Variants in MYOM2 observed in about 807,000 individuals in gnomAD.
MYOM2 encodes the protein myomesin-2.
In MYOM2, 254 loss-of-function variants were observed where a neutral mutation model predicts 187.6. The ratio of observed to expected loss-of-function variants is 1.35; its 90% CI spans 1.22 to 1.50. The LOEUF (loss-of-function observed/expected upper bound fraction) is 1.50. MYOM2 is among the 40% of genes most tolerant of loss of function. MYOM2 has a pLI of 0.00. For missense variants in MYOM2, 2,796 were observed against 1,924.0 expected (o/e 1.45, Z -8.48); for synonymous variants, 981 against 753.8 (o/e 1.30, Z -4.94).
At chr8:2,121,453 AT>A (rs1797454261) in intron 28 of MYOM2, among the ~76,000 whole-genome samples, 1 of 152,194 alleles carries the variant, frequency 6.6e-6, no homozygotes, top group Admixed American at 6.5e-5. Context: ...GACTAAAGTG[AT>A]TCATAAATCT....
In MYOM2 at chr8:2,078,833, A is replaced by T; in HGVS notation, c.1362A>T (p.Ile454=). 6.2e-7 allele frequency: 1 copy of T among 1,614,142 alleles called. No individual in the cohort carries two copies. The highest frequency in any genetic ancestry group is 8.5e-7 in the Non-Finnish European group (1 of 1,179,994). The change falls in exon 12 of 37, where the codon ATA becomes ATT. Residue 454 remains isoleucine (I), a synonymous_variant. Transcript: ENST00000262113. The part of the protein sequence containing the change: ...VTGLFEGRSY[I]FRVRAVNSAG... ...GGCTTTTTGAAGGAAGGTCTTACATATTCCGAGTGAGGGCAGTGAACAGTG... is the reference window on the plus strand; with the variant it reads ...GGCTTTTTGAAGGAAGGTCTTACATTTTCCGAGTGAGGGCAGTGAACAGTG...
chr8:2,131,382 G>C (rs1241112900), intron 32 of MYOM2, among the ~76,000 whole-genome samples: 1 of 151,986 alleles, frequency 6.6e-6, no homozygotes, highest in Non-Finnish European at 1.5e-5. Flanking sequence ...GGATTTGAAC[G>C]CTGGCTGGTC....
intron 35 of MYOM2, among the ~76,000 whole-genome samples, chr8:2,142,744 C>CCCTTTCT (rs1472614883): frequency 4.9e-5 from 1 of 20,508 alleles, no homozygotes; most frequent in African/African-American, 1.1e-4. Flanking sequence ...CTCCCTTCCT[C>CCCTTTCT]CCCTCCCTCC....
At chr8:2,059,730 G>A (rs891058444) in intron 6 of MYOM2, among the ~76,000 whole-genome samples, 1 of 147,720 alleles carries the variant, frequency 6.8e-6, no homozygotes, top group Non-Finnish European at 1.5e-5. Context: ...TTTTCCTCAC[G>A]CGACACACAC....
In MYOM2 at chr8:2,076,241, C is replaced by T. The variant is rs773666838; in HGVS notation, c.1221C>T (p.Asn407=). The T allele has an allele frequency of 8.7e-6, 14 of 1,613,666 alleles. No individual in the cohort carries two copies. The highest frequency in any genetic ancestry group is 1.7e-4 in the Middle Eastern group (1 of 6,020). The change falls in exon 11 of 37, where the codon AAC becomes AAT. Residue 407 remains asparagine (N), a synonymous_variant. Coordinates refer to ENST00000262113, the MANE Select transcript of MYOM2 (RefSeq NM_003970.4). ...DYVIVTWKPP[N]TTTESPVMGY... ...TCATCGTGACCTGGAAGCCGCCCAA[C>T]ACCACCACTGAGAGCCCCGTCATGG...
chr8:2,057,537 T>A (rs1248699993), intron 4 of MYOM2, 51 bp downstream of exon 4: 2 of 1,613,122 alleles, frequency 1.2e-6, no homozygotes, highest in Non-Finnish European at 1.7e-6. Flanking sequence ...GACTAGATCT[T>A]AGCTTGTCTG....
intron 32 of MYOM2, among the ~76,000 whole-genome samples, chr8:2,133,319 A>G (rs990938829): frequency 6.6e-6 from 1 of 152,148 alleles, no homozygotes; most frequent in African/African-American, 2.4e-5. Context: ...TTTCCCTTCA[A>G]AAGGGGAGCA....
At chr8:2,067,950 C>A (rs554725042) in intron 6 of MYOM2, among the ~76,000 whole-genome samples, 40 of 152,096 alleles carry the variant, frequency 2.6e-4, no homozygotes, top group Non-Finnish European at 4.9e-4. Flanking sequence ...GCTTTTGGAA[C>A]AGGGAGTTTG....
In MYOM2 at chr8:2,145,010, A is replaced by G. The variant is rs1423031040; in HGVS notation, c.*29A>G. The stretch of plus-strand genomic sequence containing the variant: ...CGTTTTCCTAGCCTGGAGATGGGAA[A>G]ATATGCTTGGCAGAGACAGGAATGC... On this transcript the variant is annotated 3_prime_UTR_variant, in exon 37 of 37. Coordinates refer to ENST00000262113, the MANE Select transcript of MYOM2 (RefSeq NM_003970.4). 5.0e-6 allele frequency: 8 copies of G among 1,608,588 alleles called. No homozygotes were observed. Among genetic ancestry groups the G allele is most frequent in the South Asian group, 2.2e-5 (2 of 90,704 alleles).
rs114356486 is a variant in MYOM2, at chr8:2,059,255, T to C, written c.653+10T>C. The C allele has an allele frequency of 1.9e-6, 3 of 1,612,350 alleles. No individual in the cohort carries two copies. The highest frequency in any genetic ancestry group is 2.2e-5 in the South Asian group (2 of 90,982). ...CACTGGAGATCAACAGGTATGGCTGTGGTGGGGGCTCTGGACGCTGGCGTC... is the reference window on the plus strand; with the variant it reads ...CACTGGAGATCAACAGGTATGGCTGCGGTGGGGGCTCTGGACGCTGGCGTC... On this transcript the variant is annotated intron_variant, in intron 6 of 36. Coordinates refer to ENST00000262113, the MANE Select transcript of MYOM2 (RefSeq NM_003970.4).
At position 2,109,410 on chromosome 8, in the gene MYOM2, C is replaced by A; in HGVS notation, c.3059C>A (p.Ser1020Ter). Residue 1020 changes from serine to a stop codon, truncating the protein, a stop_gained, in exon 25 of 37, where the codon TCG (serine) becomes TAG (stop). Coordinates refer to ENST00000262113, the MANE Select transcript of MYOM2 (RefSeq NM_003970.4). LOFTEE classifies it high-confidence loss of function. ...EIKNPTIPLK[S>*]ELAYEIFDKG... ...CTTCCTGTAGCAATTCCTCTGAAAT[C>A]GGAATTAGCTTATGAGATTTTTGAT... 6.2e-7 allele frequency: 1 copy of A among 1,605,994 alleles called. No individual in the cohort carries two copies. Among genetic ancestry groups the A allele is most frequent in the Non-Finnish European group, 8.5e-7 (1 of 1,176,658 alleles).
chr8:2,094,941 A>T (rs1796428622), intron 17 of MYOM2, among the ~76,000 whole-genome samples: 1 of 152,160 alleles, frequency 6.6e-6, no homozygotes. Flanking sequence ...TTCTCATGAA[A>T]TGCACCTCAG....
intron 25 of MYOM2, among the ~76,000 whole-genome samples, chr8:2,114,836 T>A (rs1797185924): frequency 6.6e-6 from 1 of 152,144 alleles, no homozygotes; most frequent in South Asian, 2.1e-4. Flanking sequence ...CAAGCGATCC[T>A]CCTGCCTCAG....
Position 2,096,369 on chromosome 8 carries a change from C to T in MYOM2, c.2248C>T (p.Arg750Cys), listed in dbSNP as rs764563541. 6.2e-6 allele frequency: 10 copies of T among 1,614,094 alleles called. No individual in the cohort carries two copies. Among genetic ancestry groups the T allele is most frequent in the East Asian group, 4.5e-5 (2 of 44,892 alleles). ...SPILGYYLDKREVHHKNWHEV... is the reference protein window; with the variant it reads ...SPILGYYLDKCEVHHKNWHEV... ...CATCCTGGGCTACTACCTGGACAAG[C>T]GTGAAGTTCACCATAAAAACTGGCA... The change falls in exon 18 of 37, where the codon CGT (arginine) becomes TGT (cysteine). Residue 750 changes from arginine to cysteine, a missense_variant. By Grantham distance (180) the Arg-to-Cys change is radical. Transcript: ENST00000262113.
intron 18 of MYOM2, among the ~76,000 whole-genome samples, chr8:2,097,399 G>C (rs556241399): frequency 2.0e-5 from 3 of 152,218 alleles, no homozygotes; most frequent in Admixed American, 6.5e-5. Context: ...GGTACAATGT[G>C]ATATTTTAAT....
At chr8:2,107,704 C>T (rs1245509097) in intron 23 of MYOM2, among the ~76,000 whole-genome samples, 5 of 152,146 alleles carry the variant, frequency 3.3e-5, no homozygotes, top group African/African-American at 1.2e-4. Context: ...GTTCACCACT[C>T]ACAGGCAGGG....
chr8:2,119,681 C>G (rs1255167236), intron 28 of MYOM2, among the ~76,000 whole-genome samples: 1 of 152,130 alleles, frequency 6.6e-6, no homozygotes, highest in Non-Finnish European at 1.5e-5. Flanking sequence ...GTGGCTTTGT[C>G]TTTCCTTCTG....
At chr8:2,118,903 G>C (rs1421030192) in intron 28 of MYOM2, 1 of 152,186 alleles carries the variant, frequency 6.6e-6, no homozygotes, top group East Asian at 1.9e-4. Context: ...CATATCCACC[G>C]AGAGAAGGAG....
In MYOM2 at chr8:2,072,486, C is replaced by T. The variant is rs371153717; in HGVS notation, c.935C>T (p.Pro312Leu). The T allele has an allele frequency of 1.8e-4, 298 of 1,613,708 alleles. No homozygotes were observed. The South Asian group carries it at 2.0e-3, about 11-fold the overall frequency. ...LVTPDLKRVQPRAEWYRDDVL... is the reference protein window; with the variant it reads ...LVTPDLKRVQLRAEWYRDDVL... ...ACGCCGGACCTGAAGCGGGTGCAGC[C>T]GCGCGCCGAGTGGTACCGCGATGGT... The change falls in exon 9 of 37, where the codon CCG (proline) becomes CTG (leucine). Residue 312 changes from proline (P) to leucine (L), a missense_variant. Transcript: ENST00000262113.
Sources: allele counts gnomAD v4.1 joint callset (sites outside exome capture counted in the v4.1 genomes callset), GRCh38; gene constraint gnomAD v4.1.1; transcripts MANE v1.5; gene names NCBI Gene and HGNC (gene_info 2026-07-23, HGNC 2026-07-21).